TTC7A: variants seen among roughly 807,000 people sequenced by gnomAD.
The protein encoded by TTC7A is tetratricopeptide repeat domain 7A.
TTC7A carries 110 observed loss-of-function variants against 103.7 expected under a neutral mutation model. That is an observed-to-expected ratio of 1.06 (90% CI 0.91 to 1.24). The LOEUF is 1.24. TTC7A is among the 50% of genes most tolerant of loss of function. TTC7A has a pLI of 0.00. For missense variants in TTC7A, 1,340 were observed against 1,116.3 expected (o/e 1.20, Z -2.86); for synonymous variants, 521 against 467.9 (o/e 1.11, Z -1.47).
intron 5 of TTC7A, among the ~76,000 whole-genome samples, chr2:46,992,809 T>C (rs565531159): frequency 2.6e-4 from 39 of 152,244 alleles, no homozygotes; most frequent in Non-Finnish European, 4.6e-4. Context: ...TCAGTGTTGA[T>C]TGCACATAGG....
chr2:46,962,275 T>C lies in TTC7A; in HGVS notation c.517+5268T>C, dbSNP rs116682821. ...CATTCTCCTCCGACACAGTTCAGTGTGTCCTGTGCTGAGAGCTTCCCTTGG... is the reference window on the plus strand; with the variant it reads ...CATTCTCCTCCGACACAGTTCAGTGCGTCCTGTGCTGAGAGCTTCCCTTGG... On this transcript the variant is annotated intron_variant, in intron 3 of 19. Coordinates refer to ENST00000319190, the MANE Select transcript of TTC7A (RefSeq NM_020458.4). Among the ~76,000 whole-genome samples, 722 of 152,336 alleles carry C rather than the reference T, an allele frequency of 4.7e-3. 9 individuals are homozygous for C. Among genetic ancestry groups the C allele is most frequent in the African/African-American group, 0.017 (698 of 41,568 alleles).
chr2:47,009,226 G>A (rs368121993), intron 10 of TTC7A, among the ~76,000 whole-genome samples: 123 of 152,264 alleles, frequency 8.1e-4, no homozygotes, highest in African/African-American at 2.7e-3. Context: ...CCCACTCTGG[G>A]CACCCTGTGG....
At chr2:46,988,319 CAG>C (rs1461128455) in intron 5 of TTC7A, among the ~76,000 whole-genome samples, 5 of 152,172 alleles carry the variant, frequency 3.3e-5, no homozygotes, top group Non-Finnish European at 5.9e-5. Flanking sequence ...CTGTTTGAAA[CAG>C]AGGATTTGGG....
intron 13 of TTC7A, among the ~76,000 whole-genome samples, chr2:47,024,078 G>A (rs1420157902): frequency 6.6e-6 from 1 of 152,090 alleles, no homozygotes; most frequent in Non-Finnish European, 1.5e-5. Flanking sequence ...AGCCCCCTCA[G>A]GCCCACCGTC....
chr2:46,975,803 C>G (rs577054361), intron 4 of TTC7A, among the ~76,000 whole-genome samples: 40 of 152,236 alleles, frequency 2.6e-4, no homozygotes, highest in Middle Eastern at 6.8e-3. Context: ...GTGGCACGAT[C>G]TCAGCTCACT....
In TTC7A at chr2:47,049,975, G is replaced by A; in HGVS notation, c.1946G>A (p.Gly649Asp). The change falls in exon 17 of 20, where the codon GGT becomes GAT. Residue 649 changes from glycine to aspartate, a missense_variant. By Grantham distance (94) the Gly-to-Asp change is moderately conservative. Transcript: ENST00000319190. ...LGGLEKDGSF[G>D]EGLTMKKQSG... Reference sequence around the variant, plus strand: ...GGCCTAGAAAAGGATGGCAGCTTCGGTGAGGGCCTCACCATGAAGAAGCAG... The same window carrying A: ...GGCCTAGAAAAGGATGGCAGCTTCGATGAGGGCCTCACCATGAAGAAGCAG... 1 of 1,614,140 alleles carries A rather than the reference G, an allele frequency of 6.2e-7. No homozygotes were observed. Among genetic ancestry groups the A allele is most frequent in the South Asian group, 1.1e-5 (1 of 91,078 alleles).
In TTC7A at chr2:47,075,217, C is replaced by T. The variant is rs1418746305; in HGVS notation, c.*1294C>T. 1 of 152,234 alleles carries T rather than the reference C, an allele frequency of 6.6e-6. No individual in the cohort carries two copies. The highest frequency in any genetic ancestry group is 2.4e-5 in the African/African-American group (1 of 41,464). The allele number at this position is 152,234 out of a possible 1,614,324, so 9.4% of individuals were successfully genotyped here. On this transcript the variant is annotated 3_prime_UTR_variant, in exon 20 of 20. Transcript: ENST00000319190. ...CTGGTGCCTCCTGGCTTTCCTGTGC[C>T]AGGCCAAGGGGCACCACAGAGGACC... is the stretch of plus-strand genomic sequence containing the variant.
intron 1 of TTC7A, among the ~76,000 whole-genome samples, chr2:46,944,066 T>A (rs1670705887): frequency 6.6e-6 from 1 of 152,124 alleles, no homozygotes; most frequent in African/African-American, 2.4e-5. Context: ...AGGTGCTTGC[T>A]ACTGTCTCCT....
At chr2:46,918,384 T>G in intron 2 of TTC7A, among the ~76,000 whole-genome samples, 1 of 152,214 alleles carries the variant, frequency 6.6e-6, no homozygotes, top group East Asian at 1.9e-4. Context: ...AGTCCAGTAG[T>G]AGATGATGCT....
At chr2:47,004,461 T>G (rs1677161479) in intron 8 of TTC7A, among the ~76,000 whole-genome samples, 1 of 152,144 alleles carries the variant, frequency 6.6e-6, no homozygotes, top group Non-Finnish European at 1.5e-5. Flanking sequence ...GAGGCCCACT[T>G]GCTGCATAGG....
At chr2:47,015,161 C>G (rs970441511) in intron 11 of TTC7A, among the ~76,000 whole-genome samples, 1 of 152,230 alleles carries the variant, frequency 6.6e-6, no homozygotes, top group African/African-American at 2.4e-5. Context: ...ATCAGAGAGG[C>G]CTGCATGGCA....
intron 18 of TTC7A, among the ~76,000 whole-genome samples, chr2:47,052,191 G>A (rs1682915290): frequency 2.0e-5 from 3 of 152,232 alleles, no homozygotes; most frequent in African/African-American, 7.2e-5. Flanking sequence ...GCTCAGAGAG[G>A]GGAGGTGTGG....
At chr2:46,927,868 T>A (rs1255642891) in intron 2 of TTC7A, among the ~76,000 whole-genome samples, 6 of 150,214 alleles carry the variant, frequency 4.0e-5, no homozygotes, top group Non-Finnish European at 7.4e-5. Flanking sequence ...AACACTAATA[T>A]TGGGGTTTTT....
chr2:46,978,760 G>C (rs1311596465), intron 4 of TTC7A, 32 bp from the exon 5 acceptor site: 4 of 1,589,226 alleles, frequency 2.5e-6, no homozygotes, highest in Non-Finnish European at 3.5e-6. Flanking sequence ...AGAACTTTGA[G>C]ACAATGGCTC....
intron 15 of TTC7A, among the ~76,000 whole-genome samples, chr2:47,041,699 G>T (rs1681767624): frequency 6.7e-6 from 1 of 150,276 alleles, no homozygotes; most frequent in Non-Finnish European, 1.5e-5. Context: ...GTTGCGGTGA[G>T]CCAAGATTGC....
At chr2:46,977,391 A>AT (rs978021971) in intron 4 of TTC7A, among the ~76,000 whole-genome samples, 4 of 152,094 alleles carry the variant, frequency 2.6e-5, no homozygotes, top group East Asian at 1.9e-4. Context: ...TGCCTCATTG[A>AT]TTTTTTTTCC....
chr2:47,001,171 GT>G (rs1040634367), intron 8 of TTC7A, among the ~76,000 whole-genome samples: 3 of 152,218 alleles, frequency 2.0e-5, no homozygotes, highest in Non-Finnish European at 4.4e-5. Flanking sequence ...CCACATGGTA[GT>G]TTCCTTTCCT....
At chr2:46,946,655 C>T (rs1670968593) in intron 1 of TTC7A, among the ~76,000 whole-genome samples, 1 of 152,176 alleles carries the variant, frequency 6.6e-6, no homozygotes, top group East Asian at 1.9e-4. Flanking sequence ...CTCCTGGTCT[C>T]AATCAGTCCT....
At chr2:46,931,689 CAATA>C (rs138244901) in intron 2 of TTC7A, among the ~76,000 whole-genome samples, 58 of 116,660 alleles carry the variant, frequency 5.0e-4, no homozygotes, top group African/African-American at 2.1e-3. Flanking sequence ...CAAAAACAGA[CAATA>C]ATAAATAAAT....
Sources: allele counts gnomAD v4.1 joint callset (sites outside exome capture counted in the v4.1 genomes callset), GRCh38; gene constraint gnomAD v4.1.1; transcripts MANE v1.5; gene names NCBI Gene and HGNC (gene_info 2026-07-23, HGNC 2026-07-21).